Variants in DGKB observed in about 807,000 individuals in gnomAD.
DGKB encodes 90 kDa diacylglycerol kinase.
DGKB carries 67 observed loss-of-function variants against 114.3 expected under a neutral mutation model. The observed-to-expected ratio is 0.59, with a 90% CI of 0.48 to 0.72. The LOEUF (loss-of-function observed/expected upper bound fraction) is 0.72, where lower values mean the gene tolerates loss of function less well. Among genes scored for constraint, DGKB ranks in the 30% least tolerant of loss-of-function variants. The probability of loss-of-function intolerance (pLI) is 0.00; values close to 1 mark genes in which losing one functional copy is unlikely to be tolerated. For synonymous variants in DGKB, 398 were observed against 323.1 expected (o/e 1.23, Z -2.49); for missense variants, 907 against 975.2 (o/e 0.93, Z 0.93).
intron 21 of DGKB, among the ~76,000 whole-genome samples, chr7:14,390,711 G>C (rs1280381286): frequency 6.6e-6 from 1 of 151,996 alleles, no homozygotes; most frequent in Non-Finnish European, 1.5e-5. Context: ...AAAGGTCCCA[G>C]GTGTCTCTTA....
intron 1 of DGKB, among the ~76,000 whole-genome samples, chr7:14,973,187 T>C (rs1280828093): frequency 6.6e-6 from 1 of 152,008 alleles, no homozygotes; most frequent in Non-Finnish European, 1.5e-5. Flanking sequence ...AGTTTCTACA[T>C]ATCCAATAGA....
intron 23 of DGKB, among the ~76,000 whole-genome samples, chr7:14,196,487 A>C (rs980768829): frequency 6.6e-6 from 1 of 152,040 alleles, no homozygotes; most frequent in Non-Finnish European, 1.5e-5. Context: ...TTTTGAAGTA[A>C]TTTTATTTCA....
intron 16 of DGKB, among the ~76,000 whole-genome samples, chr7:14,608,537 C>A (rs1804938061): frequency 6.6e-6 from 1 of 151,856 alleles, no homozygotes; most frequent in Non-Finnish European, 1.5e-5. Context: ...ACAAAACATG[C>A]CCACTCTCAC....
intron 2 of DGKB, among the ~76,000 whole-genome samples, chr7:14,778,061 A>G (rs941745554): frequency 3.3e-5 from 5 of 152,242 alleles, no homozygotes; most frequent in Non-Finnish European, 7.3e-5. Context: ...TTAAAGAGAC[A>G]TCAGTATTAG....
chr7:14,969,586 C>A (rs60032052), intron 1 of DGKB, among the ~76,000 whole-genome samples: 17 of 152,242 alleles, frequency 1.1e-4, no homozygotes, highest in African/African-American at 3.4e-4. Context: ...TAGATTCTCA[C>A]AGGAGCATGA....
At chr7:14,273,945 A>T (rs1396655553) in intron 23 of DGKB, among the ~76,000 whole-genome samples, 3 of 152,244 alleles carry the variant, frequency 2.0e-5, no homozygotes, top group Admixed American at 2.0e-4. Context: ...ACTTTACTTC[A>T]GGAATTACTC....
chr7:14,760,445 G>A (rs1295640174), intron 2 of DGKB, among the ~76,000 whole-genome samples: 1 of 152,034 alleles, frequency 6.6e-6, no homozygotes, highest in East Asian at 1.9e-4. Context: ...CACTTACACT[G>A]CAGAGAGAGA....
intron 21 of DGKB, among the ~76,000 whole-genome samples, chr7:14,424,497 CT>C (rs1827204552): frequency 1.3e-5 from 2 of 151,920 alleles, no homozygotes; most frequent in Non-Finnish European, 2.9e-5. Flanking sequence ...TCTCTGGAAG[CT>C]TTTTTATATT....
intron 21 of DGKB, among the ~76,000 whole-genome samples, chr7:14,374,271 G>A (rs1419378657): frequency 6.6e-6 from 1 of 152,142 alleles, no homozygotes; most frequent in Non-Finnish European, 1.5e-5. Flanking sequence ...CTTTGGTTTA[G>A]GAGGGGTTAC....
At chr7:14,812,999 C>A (rs1279474897) in intron 2 of DGKB, among the ~76,000 whole-genome samples, 1 of 151,980 alleles carries the variant, frequency 6.6e-6, no homozygotes, top group Non-Finnish European at 1.5e-5. Context: ...CAAGGAAAAA[C>A]AAATAAAAAC....
At chr7:14,667,930 C>A (rs552640403) in intron 13 of DGKB, among the ~76,000 whole-genome samples, 1 of 152,120 alleles carries the variant, frequency 6.6e-6, no homozygotes. Context: ...GGGCTTGACA[C>A]AACAAGTGCA....
chr7:14,866,356 T>C (rs1488032626), intron 1 of DGKB, among the ~76,000 whole-genome samples: 2 of 152,166 alleles, frequency 1.3e-5, no homozygotes, highest in Admixed American at 1.3e-4. Context: ...CTTCATTTTA[T>C]AGAGTAGTTT....
At chr7:14,951,960 C>A (rs1334170502) in intron 1 of DGKB, among the ~76,000 whole-genome samples, 1 of 151,898 alleles carries the variant, frequency 6.6e-6, no homozygotes, top group Non-Finnish European at 1.5e-5. Context: ...GTCCCCCTAC[C>A]CCATTGATAT....
chr7:14,597,046 C>T (rs1802700480), intron 17 of DGKB, among the ~76,000 whole-genome samples: 1 of 152,138 alleles, frequency 6.6e-6, no homozygotes, highest in African/African-American at 2.4e-5. Flanking sequence ...GGGCACACAT[C>T]TTACTATAGC....
At chr7:14,256,070 T>C (rs56233523) in intron 23 of DGKB, among the ~76,000 whole-genome samples, 3,451 of 152,346 alleles carry the variant, frequency 0.023, 62 homozygotes, top group Non-Finnish European at 0.031. Context: ...GTCTAAATAC[T>C]GGCCAAGTTT....
chr7:14,344,006 ATAAC>A (rs1445674351), intron 22 of DGKB, among the ~76,000 whole-genome samples: 1 of 148,036 alleles, frequency 6.8e-6, no homozygotes, highest in Non-Finnish European at 1.5e-5. Flanking sequence ...ACAATAATAT[ATAAC>A]TAAATATATA....
At chr7:14,455,339 C>T (rs1832120495) in intron 21 of DGKB, among the ~76,000 whole-genome samples, 1 of 151,940 alleles carries the variant, frequency 6.6e-6, no homozygotes, top group Non-Finnish European at 1.5e-5. Context: ...CCTAGGTTTT[C>T]ACAGCTGTAG....
chr7:14,536,901 T>C (rs1403566570), intron 20 of DGKB, among the ~76,000 whole-genome samples: 1 of 151,656 alleles, frequency 6.6e-6, no homozygotes, highest in African/African-American at 2.4e-5. Flanking sequence ...ATCTGTTTGC[T>C]GGTGGCATTA....
chr7:14,720,159 T>C (rs544179118), intron 5 of DGKB, among the ~76,000 whole-genome samples: 14 of 152,178 alleles, frequency 9.2e-5, no homozygotes, highest in African/African-American at 3.1e-4. Flanking sequence ...ATATTTTCTT[T>C]TCTATATTAA....
Sources: gnomAD v4.1 joint callset for allele counts (sites outside exome capture counted in the v4.1 genomes callset) on GRCh38, gnomAD v4.1.1 for gene constraint, MANE v1.5 for transcripts, NCBI Gene and HGNC (gene_info 2026-07-23, HGNC 2026-07-21) for gene names.